Variants in TTC7B observed in about 807,000 individuals in gnomAD.
TTC7B encodes the protein tetratricopeptide repeat domain 7B, also known as tetratricopeptide repeat protein 7B.
In TTC7B, 28 loss-of-function variants were observed where a neutral mutation model predicts 106.8. The ratio of observed to expected loss-of-function variants is 0.26; its 90% CI spans 0.19 to 0.36. The LOEUF is 0.36. Among genes scored for constraint, TTC7B ranks in the 10% least tolerant of loss-of-function variants. The pLI, the probability that TTC7B is intolerant of heterozygous loss-of-function variation, is 1.00. For synonymous variants in TTC7B, 405 were observed against 430.6 expected (o/e 0.94, Z 0.74); for missense variants, 862 against 1,076.4 (o/e 0.80, Z 2.79).
chr14:90,534,762 G>C lies in TTC7B; in HGVS notation c.*6606C>G, dbSNP rs1595138057. 1 of 152,528 alleles carries C rather than the reference G, an allele frequency of 6.6e-6. No homozygotes were observed. Among genetic ancestry groups the C allele is most frequent in the South Asian group, 2.1e-4 (1 of 4,826 alleles). 9.4% of individuals were successfully genotyped at this position (152,528 alleles called of 1,614,324 possible). The stretch of plus-strand genomic sequence containing the variant: ...GGGTCACCCATTCCAGCCTGGAGCC[G>C]GCTGTGCTGCAGGGACCTGGGCTGG... On this transcript the variant is annotated 3_prime_UTR_variant, in exon 20 of 20. Coordinates refer to ENST00000328459, the MANE Select transcript of TTC7B (RefSeq NM_001010854.2).
At chr14:90,738,919 G>T (rs1200804721) in intron 4 of TTC7B, among the ~76,000 whole-genome samples, 1 of 152,102 alleles carries the variant, frequency 6.6e-6, no homozygotes, top group Non-Finnish European at 1.5e-5. Context: ...CAGCTACTTG[G>T]GAGGCTGAGG....
At chr14:90,681,869 G>A (rs1887061766) in intron 7 of TTC7B, among the ~76,000 whole-genome samples, 2 of 91,430 alleles carry the variant, frequency 2.2e-5, no homozygotes, top group African/African-American at 8.1e-5. Flanking sequence ...TCAGTATGTT[G>A]TTGTTGTTGT....
rs201597058 is a variant in TTC7B at position 90,526,005 on chromosome 14, GTATTT to G, written c.*15358_*15362del. 5.6e-3 allele frequency: 845 copies of G among 151,856 alleles called. 8 individuals are homozygous for G. The highest frequency in any genetic ancestry group is 0.02 in the African/African-American group (818 of 41,442). The allele number at this position is 151,856 out of a possible 1,614,324, so 9.4% of individuals were successfully genotyped here. Reference sequence around the variant, plus strand: ...AAATAAAAAAAAAAAAGAAGTCTTTGTATTTTATATTTGTACATATATTTCCTTTT... The same window carrying G: ...AAATAAAAAAAAAAAAGAAGTCTTTGTATATTTGTACATATATTTCCTTTT... On this transcript the variant is annotated 3_prime_UTR_variant, in exon 20 of 20. Coordinates refer to ENST00000328459, the MANE Select transcript of TTC7B (RefSeq NM_001010854.2).
chr14:90,587,422 C>A (rs1217118479), intron 18 of TTC7B, among the ~76,000 whole-genome samples: 1 of 152,208 alleles, frequency 6.6e-6, no homozygotes, highest in South Asian at 2.1e-4. Flanking sequence ...GGTTCATGCC[C>A]CAGGGGCCAG....
chr14:90,766,162 A>C (rs1480266069), intron 3 of TTC7B, among the ~76,000 whole-genome samples: 1 of 151,956 alleles, frequency 6.6e-6, no homozygotes, highest in African/African-American at 2.4e-5. Flanking sequence ...ATAAACAAAA[A>C]CAGCAAACCC....
intron 3 of TTC7B, among the ~76,000 whole-genome samples, chr14:90,748,182 G>A (rs1890028080): frequency 6.6e-6 from 1 of 151,728 alleles, no homozygotes; most frequent in Non-Finnish European, 1.5e-5. Context: ...TTTTTTATTT[G>A]TCCCATCTGT....
intron 7 of TTC7B, among the ~76,000 whole-genome samples, chr14:90,684,850 A>G (rs1887194116): frequency 1.3e-5 from 2 of 152,044 alleles, no homozygotes; most frequent in Admixed American, 6.6e-5. Context: ...CTTTTGATTT[A>G]TTTTTCTCTA....
At chr14:90,579,008 G>A (rs981032039) in intron 18 of TTC7B, among the ~76,000 whole-genome samples, 2 of 152,192 alleles carry the variant, frequency 1.3e-5, no homozygotes, top group African/African-American at 4.8e-5. Context: ...ACCTCCATGT[G>A]GAGCCAAACC....
chr14:90,659,073 C>T (rs529048530), intron 9 of TTC7B, among the ~76,000 whole-genome samples: 13 of 152,242 alleles, frequency 8.5e-5, no homozygotes, highest in East Asian at 5.8e-4. Context: ...GAAATGTGTC[C>T]GAGGTCAAAT....
At chr14:90,744,699 C>T (rs191070046) in intron 4 of TTC7B, 93 bp downstream of exon 4, 705 of 1,341,958 alleles carry the variant, frequency 5.3e-4, no homozygotes, top group Middle Eastern at 2.4e-4. Flanking sequence ...CAGAGACAGA[C>T]AAGTTGAAAG....
chr14:90,777,304 C>T (rs932579917), intron 3 of TTC7B, among the ~76,000 whole-genome samples: 4 of 152,064 alleles, frequency 2.6e-5, no homozygotes, highest in Non-Finnish European at 4.4e-5. Flanking sequence ...ACACCTGGCA[C>T]GCAGGAATCT....
At chr14:90,714,584 G>A (rs1888582624) in intron 5 of TTC7B, among the ~76,000 whole-genome samples, 1 of 151,698 alleles carries the variant, frequency 6.6e-6, no homozygotes, top group South Asian at 2.1e-4. Context: ...AGCCTCTCGA[G>A]TACTTGGGAT....
In TTC7B at chr14:90,695,491, C is replaced by T. The variant is rs762855890; in HGVS notation, c.777+9G>A. ...TGCTGGCCTCAATCAAGTCACTGTT[C>T]ACACTTACCATTCGCAGGTTTTGAG... On this transcript the variant is annotated intron_variant, in intron 6 of 19. Coordinates refer to ENST00000328459, the MANE Select transcript of TTC7B (RefSeq NM_001010854.2). The T allele has an allele frequency of 6.3e-7, 1 of 1,578,978 alleles. No homozygotes were observed. The highest frequency in any genetic ancestry group is 8.6e-7 in the Non-Finnish European group (1 of 1,162,882).
At chr14:90,764,905 G>A (rs1447175212) in intron 3 of TTC7B, among the ~76,000 whole-genome samples, 1 of 152,060 alleles carries the variant, frequency 6.6e-6, no homozygotes, top group Non-Finnish European at 1.5e-5. Context: ...TACACTCAGA[G>A]TTACCATGTA....
chr14:90,525,893 G>A lies in TTC7B; in HGVS notation c.*15475C>T, dbSNP rs1043906701. On this transcript the variant is annotated 3_prime_UTR_variant, in exon 20 of 20. Transcript: ENST00000328459. The stretch of plus-strand genomic sequence containing the variant: ...GAGTGGAAGAGTACCAGGACATGGG[G>A]GTGGGGGTTGGGGCAAAGCTTTGCT... The A allele has an allele frequency of 7.0e-6, 1 of 142,322 alleles. No homozygotes were observed. Among genetic ancestry groups the A allele is most frequent in the Non-Finnish European group, 1.5e-5 (1 of 64,970 alleles). 8.8% of individuals were successfully genotyped at this position (142,322 alleles called of 1,614,324 possible).
At chr14:90,559,769 T>C (rs1186661339) in intron 19 of TTC7B, among the ~76,000 whole-genome samples, 1 of 152,224 alleles carries the variant, frequency 6.6e-6, no homozygotes, top group Non-Finnish European at 1.5e-5. Flanking sequence ...AAGAACCGTG[T>C]TGAACCTGTA....
At chr14:90,793,022 T>A (rs1433454419) in intron 1 of TTC7B, among the ~76,000 whole-genome samples, 2 of 152,122 alleles carry the variant, frequency 1.3e-5, no homozygotes, top group African/African-American at 4.8e-5. Context: ...AGGAGGTGAT[T>A]GGATCATGAG....
intron 15 of TTC7B, among the ~76,000 whole-genome samples, chr14:90,634,014 T>A (rs1246998185): frequency 6.6e-6 from 1 of 152,040 alleles, no homozygotes; most frequent in African/African-American, 2.4e-5. Context: ...GTAGCTGGGA[T>A]TACAGGCATG....
chr14:90,668,118 CAAA>C (rs3061073), intron 9 of TTC7B, among the ~76,000 whole-genome samples: 106 of 142,786 alleles, frequency 7.4e-4, no homozygotes, highest in African/African-American at 1.6e-3. Context: ...TAAGACCAAC[CAAA>C]AAAAAAAAAA....
Sources: gnomAD v4.1 joint callset for allele counts (sites outside exome capture counted in the v4.1 genomes callset) on GRCh38, gnomAD v4.1.1 for gene constraint, MANE v1.5 for transcripts, NCBI Gene and HGNC (gene_info 2026-07-23, HGNC 2026-07-21) for gene names.